CLCN5: variants seen among roughly 807,000 people sequenced by gnomAD.
The protein encoded by CLCN5 is Cl-/H+ antiporter 5, also known as H(+)/Cl(-) exchange transporter 5.
Under a neutral mutation model 54.0 loss-of-function variants are expected in CLCN5, and 17 were observed. The observed-to-expected ratio is 0.31, with a 90% CI of 0.22 to 0.47. The LOEUF (loss-of-function observed/expected upper bound fraction) is 0.47, where lower values mean the gene tolerates loss of function less well. CLCN5 is among the 20% of genes least tolerant of loss of function. CLCN5 has a pLI of 1.00. For missense variants in CLCN5, 448 were observed against 646.7 expected (o/e 0.69, Z 3.33); for synonymous variants, 222 against 233.0 (o/e 0.95, Z 0.43).
intron 3 of CLCN5, among the ~76,000 whole-genome samples, chrX:50,030,046 A>G (rs1262146785): frequency 6.2e-5 from 7 of 112,316 alleles, no homozygotes. Context: ...TAAATTTGCC[A>G]TATTTACATT....
rs782060117 is a variant in CLCN5, at chrX:50,086,656, G to A, written c.1343G>A (p.Arg448Gln). 7.4e-6 allele frequency: 9 copies of A among 1,208,073 alleles called. No individual in the cohort carries two copies. The highest frequency in any genetic ancestry group is 3.0e-5 in the East Asian group (1 of 33,701). The change falls in exon 11 of 15, where the codon CGG (arginine) becomes CAG (glutamine). Residue 448 changes from arginine (R) to glutamine (Q), a missense_variant. By Grantham distance (43) the Arg-to-Gln change is conservative. Transcript: ENST00000376091. ...CTGGCTTTCCCCAATGAATACACTC[G>A]GATGAGCACAAGTGAGCTCATTTCT... The part of the protein sequence containing the change: ...AILAFPNEYT[R>Q]MSTSELISEL...
chrX:49,999,991 C>T (rs991268913), intron 3 of CLCN5, among the ~76,000 whole-genome samples: 8 of 111,421 alleles, frequency 7.2e-5, no homozygotes, highest in African/African-American at 2.3e-4. Flanking sequence ...TGCCCTGTCT[C>T]TGCTCTCCAC....
chrX:49,997,502 CCTT>C (rs1330490702), intron 3 of CLCN5, among the ~76,000 whole-genome samples: 1 of 110,883 alleles, frequency 9.0e-6, no homozygotes, highest in African/African-American at 3.3e-5. Flanking sequence ...CATTTTGTTA[CCTT>C]CTTCTTTACT....
intron 3 of CLCN5, among the ~76,000 whole-genome samples, chrX:49,944,585 A>G (rs1246100175): frequency 8.9e-6 from 1 of 111,769 alleles, no homozygotes; most frequent in Non-Finnish European, 1.9e-5. Flanking sequence ...TCCCATCAAT[A>G]CCGAATTTAT....
chrX:50,034,241 A>C (rs905250373), intron 3 of CLCN5, among the ~76,000 whole-genome samples: 1 of 111,696 alleles, frequency 9.0e-6, no homozygotes, highest in Non-Finnish European at 1.9e-5. Context: ...GATTTCAGTA[A>C]CTCTGTCCTT....
At position 50,098,496 on chromosome X, in the gene CLCN5, A is replaced by T. The variant is rs782330651; in HGVS notation, c.*6277A>T. 1 of 113,271 alleles carries T rather than the reference A, an allele frequency of 8.8e-6. No homozygotes were observed. The highest frequency in any genetic ancestry group is 3.7e-4 in the South Asian group (1 of 2,702). The allele number at this position is 113,271 out of a possible 1,213,427, so 9.3% of individuals were successfully genotyped here. A position where few individuals can be genotyped will look rare whatever the true frequency, so the allele number is the denominator to read the frequency against. The stretch of plus-strand genomic sequence containing the variant: ...TGGGCCACTATTTGAATTTCTCTGT[A>T]GTAAGCTCTTTGTAGGGCTGGCTCC... On this transcript the variant is annotated 3_prime_UTR_variant, in exon 15 of 15. Coordinates refer to ENST00000376091, the MANE Select transcript of CLCN5 (RefSeq NM_001127898.4).
intron 8 of CLCN5, 25 bp from the exon 9 acceptor site, chrX:50,081,616 C>G (rs1557193159): frequency 1.7e-6 from 2 of 1,158,272 alleles, no homozygotes; most frequent in African/African-American, 3.6e-5. Context: ...AGTCTATATT[C>G]AATCTTTCTG....
intron 3 of CLCN5, among the ~76,000 whole-genome samples, chrX:50,037,049 A>C (rs1029648183): frequency 8.9e-6 from 1 of 112,009 alleles, no homozygotes; most frequent in African/African-American, 3.2e-5. Flanking sequence ...GATGCTGCCT[A>C]CATTTATAAA....
At chrX:49,938,308 CA>C (rs782416399) in intron 3 of CLCN5, among the ~76,000 whole-genome samples, 3 of 111,415 alleles carry the variant, frequency 2.7e-5, no homozygotes, top group African/African-American at 9.8e-5. Context: ...CATATGGAAC[CA>C]AAAAAGAGCC....
At chrX:49,945,403 A>G (rs1201588416) in intron 3 of CLCN5, 2 of 109,489 alleles carry the variant, frequency 1.8e-5, no homozygotes, top group Non-Finnish European at 3.8e-5. Flanking sequence ...TCTTCTCTGT[A>G]TCATTCTAAT....
chrX:50,013,297 C>T (rs781893004), intron 3 of CLCN5: 2 of 375,958 alleles, frequency 5.3e-6, no homozygotes, highest in South Asian at 4.9e-5. Context: ...AAAACACCTC[C>T]TGTGTGCATG....
chrX:49,950,453 A>G (rs997029139), intron 3 of CLCN5, among the ~76,000 whole-genome samples: 4 of 111,561 alleles, frequency 3.6e-5, no homozygotes, highest in Non-Finnish European at 7.5e-5. Flanking sequence ...GCCCTTCCAC[A>G]TATTATTAAA....
intron 3 of CLCN5, among the ~76,000 whole-genome samples, chrX:49,954,350 ATT>A (rs201491456): frequency 9.6e-6 from 1 of 104,192 alleles, no homozygotes; most frequent in African/African-American, 3.5e-5. Context: ...AGATTTTAAG[ATT>A]TTTTTTTTTT....
At chrX:50,080,045 A>G (rs1186479888) in intron 7 of CLCN5, among the ~76,000 whole-genome samples, 1 of 111,659 alleles carries the variant, frequency 9.0e-6, no homozygotes, top group African/African-American at 3.3e-5. Context: ...TGTACACCTT[A>G]AATACATACA....
chrX:50,075,355 T>C (rs987683327), intron 6 of CLCN5, among the ~76,000 whole-genome samples: 1 of 111,435 alleles, frequency 9.0e-6, no homozygotes. Context: ...TGTTGGGCAA[T>C]TCACATATTC....
chrX:49,990,440 CCTT>C (rs1248993528), intron 3 of CLCN5, among the ~76,000 whole-genome samples: 2 of 103,728 alleles, frequency 1.9e-5, no homozygotes, highest in Admixed American at 1.0e-4. Flanking sequence ...TCCATTGTAT[CCTT>C]CTTCTTCATC....
intron 4 of CLCN5, 116 bp from the exon 5 acceptor site, chrX:50,069,763 C>A (rs957809469): frequency 3.3e-5 from 35 of 1,069,498 alleles, no homozygotes; most frequent in Non-Finnish European, 4.0e-5. Flanking sequence ...ATTTCTTTAT[C>A]AACCCCAACT....
chrX:50,060,376 G>T (rs1224911280), intron 4 of CLCN5, among the ~76,000 whole-genome samples: 10 of 105,171 alleles, frequency 9.5e-5, no homozygotes, highest in Non-Finnish European at 2.0e-4. Context: ...TTCCCTTTCC[G>T]AGTCAAAGAA....
intron 3 of CLCN5, among the ~76,000 whole-genome samples, chrX:49,978,963 T>C (rs1339806587): frequency 1.8e-5 from 2 of 111,118 alleles, no homozygotes; most frequent in Non-Finnish European, 3.8e-5. Flanking sequence ...ACTGGAGATG[T>C]AGAGGTCTGG....
Sources: allele counts gnomAD v4.1 joint callset (sites outside exome capture counted in the v4.1 genomes callset), GRCh38; gene constraint gnomAD v4.1.1; transcripts MANE v1.5; gene names NCBI Gene and HGNC (gene_info 2026-07-23, HGNC 2026-07-21).